BLTP1: variants seen among roughly 807,000 people sequenced by gnomAD.
BLTP1 encodes the protein bridge-like lipid transfer protein family member 1, also known as fragile site-associated protein.
chr4:122,172,478 A>T, the BLTP1 span: 2 of 267,262 alleles, frequency 7.5e-6, no homozygotes, highest in African/African-American at 2.3e-5. Flanking sequence ...ATTCAATGAC[A>T]TCATAACTTA....
the BLTP1 span, chr4:122,307,834 T>C: frequency 6.6e-7 from 1 of 1,505,448 alleles, no homozygotes; most frequent in Non-Finnish European, 8.8e-7. Context: ...GCTACAGTTT[T>C]CTGGGTGTAA....
At chr4:122,216,085 G>GTCTGTCTATCTA in the BLTP1 span, among the ~76,000 whole-genome samples, 207 of 144,502 alleles carry the variant, frequency 1.4e-3, no homozygotes, top group African/African-American at 1.8e-3. Context: ...ATCTTTGTCT[G>GTCTGTCTATCTA]TCTATCTATC....
chr4:122,356,771 T>G, the BLTP1 span: 1 of 1,574,982 alleles, frequency 6.3e-7, no homozygotes, highest in South Asian at 1.1e-5. Flanking sequence ...TGGAATACTC[T>G]TTTTCTTTTA....
the BLTP1 span, chr4:122,161,237 C>A: frequency 2.2e-6 from 1 of 456,808 alleles, no homozygotes; most frequent in Non-Finnish European, 2.9e-6. Flanking sequence ...TTCATTGTTG[C>A]ATGAGGGATT....
At chr4:122,301,397 G>A in the BLTP1 span, 1 of 1,550,880 alleles carries the variant, frequency 6.4e-7, no homozygotes, top group Non-Finnish European at 8.8e-7. Context: ...TGCAGTTCAA[G>A]GTAACATAAA....
At chr4:122,355,635 A>G in the BLTP1 span, 8 of 194,666 alleles carry the variant, frequency 4.1e-5, no homozygotes, top group Non-Finnish European at 7.4e-5. Context: ...GTATATGTAT[A>G]TATCTGTATA....
At chr4:122,303,304 G>A in the BLTP1 span, among the ~76,000 whole-genome samples, 9,783 of 152,176 alleles carry the variant, frequency 0.064, 885 homozygotes, top group African/African-American at 0.2. Context: ...TTTTAAGCCC[G>A]CTATGGGTCT....
At chr4:122,336,495 G>C in the BLTP1 span, 1 of 762,754 alleles carries the variant, frequency 1.3e-6, no homozygotes, top group Admixed American at 3.7e-5. Context: ...AAAAGAACTT[G>C]AGAGATCATC....
At chr4:122,314,887 C>G in the BLTP1 span, among the ~76,000 whole-genome samples, 1 of 152,132 alleles carries the variant, frequency 6.6e-6, no homozygotes, top group Non-Finnish European at 1.5e-5. Flanking sequence ...GAGAAGGAAC[C>G]AGGTCAATTC....
the BLTP1 span, chr4:122,349,400 GT>G: frequency 6.4e-6 from 10 of 1,559,378 alleles, no homozygotes; most frequent in South Asian, 1.1e-4. The surrounding 1 kb of genome is among the most constrained non-coding windows in gnomAD (Gnocchi z 4.5). Context: ...ATTCTCATGA[GT>G]TTTTCCCATG....
At chr4:122,324,265 A>G in the BLTP1 span, 1 of 332,104 alleles carries the variant, frequency 3.0e-6, no homozygotes, top group Non-Finnish European at 4.3e-6. Context: ...TTAGAACCAA[A>G]GAATAGCTGA....
At chr4:122,174,715 TGTTTTATG>T in the BLTP1 span, 14 of 1,238,472 alleles carry the variant, frequency 1.1e-5, no homozygotes, top group Non-Finnish European at 1.5e-5. Flanking sequence ...ATTGTTAAAA[TGTTTTATG>T]ATATTTTATT....
the BLTP1 span, chr4:122,238,001 A>AT: frequency 1.5e-6 from 2 of 1,348,080 alleles, no homozygotes; most frequent in Non-Finnish European, 2.0e-6. Context: ...AAAAAAAAAA[A>AT]TTATACTTAA....
chr4:122,281,295 ATCACCT>A, the BLTP1 span: 8 of 979,246 alleles, frequency 8.2e-6, no homozygotes, highest in Non-Finnish European at 7.3e-6. Flanking sequence ...AATGATAAGA[ATCACCT>A]TCACAGTATA....
chr4:122,204,497 C>A, the BLTP1 span: 1 of 975,020 alleles, frequency 1.0e-6, no homozygotes, highest in East Asian at 1.1e-4. Flanking sequence ...ATGACTTGGG[C>A]AGACTTATGA....
At chr4:122,299,755 T>G in the BLTP1 span, 1 of 969,906 alleles carries the variant, frequency 1.0e-6, no homozygotes, top group Non-Finnish European at 1.2e-6. Flanking sequence ...CATATATGTA[T>G]GTATGTATAT....
chr4:122,233,262 G>A, the BLTP1 span, among the ~76,000 whole-genome samples: 1 of 152,200 alleles, frequency 6.6e-6, no homozygotes, highest in South Asian at 2.1e-4. Flanking sequence ...TGTAACTTGT[G>A]TAGTCCACAT....
At chr4:122,354,523 G>C in the BLTP1 span, among the ~76,000 whole-genome samples, 1 of 151,506 alleles carries the variant, frequency 6.6e-6, no homozygotes, top group Admixed American at 6.6e-5. Context: ...TGATAGTGTG[G>C]TCATGATAAC....
chr4:122,208,764 A>C, the BLTP1 span: 4 of 664,150 alleles, frequency 6.0e-6, no homozygotes, highest in Non-Finnish European at 7.4e-6. Flanking sequence ...TGCCATTTCA[A>C]ATTTGTTTAT....
Sources: allele counts gnomAD v4.1 joint callset (sites outside exome capture counted in the v4.1 genomes callset), GRCh38; gene constraint gnomAD v4.1.1; non-coding constraint Gnocchi (gnomAD v3.1); transcripts MANE v1.5; gene names NCBI Gene and HGNC (gene_info 2026-07-23, HGNC 2026-07-21).